KALRN: variants seen among roughly 807,000 people sequenced by gnomAD.
KALRN encodes kalirin RhoGEF kinase.
A neutral mutation model predicts 353.7 loss-of-function variants in KALRN; 70 were observed. That is an observed-to-expected ratio of 0.20 (90% CI 0.16 to 0.24). The LOEUF (loss-of-function observed/expected upper bound fraction) is 0.24, where lower values mean the gene tolerates loss of function less well. Ranked by LOEUF, KALRN falls within the 10% of genes least tolerant of loss-of-function variation. KALRN has a pLI of 1.00. For missense variants in KALRN, 2,791 were observed against 3,756.7 expected, an observed-to-expected ratio of 0.74 and a Z score of 6.72; for synonymous variants, 1,391 against 1,434.8, an observed-to-expected ratio of 0.97 and a Z score of 0.69.
chr3:124,666,870 CA>C, intron 46 of KALRN, 141 bp from the exon 47 acceptor site: 1 of 877,844 alleles, frequency 1.1e-6, no homozygotes, highest in Non-Finnish European at 1.7e-6. Context: ...CACCCAGAGA[CA>C]AAAACCTAAG....
chr3:124,221,480 G>A (rs377617957), intron 1 of KALRN, among the ~76,000 whole-genome samples: 45 of 152,278 alleles, frequency 3.0e-4, no homozygotes, highest in African/African-American at 7.9e-4. Context: ...GGGAGTAAAC[G>A]AAAACACATA....
chr3:124,508,475 A>C (rs1165767174), intron 33 of KALRN, among the ~76,000 whole-genome samples: 1 of 152,046 alleles, frequency 6.6e-6, no homozygotes, highest in Non-Finnish European at 1.5e-5. Context: ...ACTTATTTTT[A>C]TGGGATTCAT....
intron 1 of KALRN, among the ~76,000 whole-genome samples, chr3:124,056,078 G>A (rs2041511466): frequency 6.6e-6 from 1 of 152,186 alleles, no homozygotes; most frequent in Non-Finnish European, 1.5e-5. Context: ...AACAAAGGAG[G>A]CAATTTATCT....
chr3:124,330,791 G>A (rs1024143980), intron 8 of KALRN, among the ~76,000 whole-genome samples: 2 of 152,192 alleles, frequency 1.3e-5, no homozygotes, highest in African/African-American at 4.8e-5. Context: ...TCCAACCCAT[G>A]TGTTTCCTCT....
intron 1 of KALRN, among the ~76,000 whole-genome samples, chr3:124,138,550 A>C (rs986693550): frequency 6.6e-6 from 1 of 152,252 alleles, no homozygotes; most frequent in Non-Finnish European, 1.5e-5. Context: ...AAAGATGAAA[A>C]GAGTGACTGA....
At chr3:124,613,895 T>C (rs2078265170) in intron 34 of KALRN, among the ~76,000 whole-genome samples, 2 of 152,206 alleles carry the variant, frequency 1.3e-5, no homozygotes, top group South Asian at 2.1e-4. Context: ...GAGCAGCCAG[T>C]GTTCTATGTC....
intron 1 of KALRN, among the ~76,000 whole-genome samples, chr3:124,041,482 G>A (rs1366767991): frequency 1.3e-5 from 2 of 152,188 alleles, no homozygotes; most frequent in African/African-American, 4.8e-5. Context: ...TTCCAGTCCA[G>A]GAAGAGATGC....
intron 55 of KALRN, among the ~76,000 whole-genome samples, chr3:124,698,692 G>A (rs2062175724): frequency 6.6e-6 from 1 of 152,190 alleles, no homozygotes; most frequent in South Asian, 2.1e-4. Context: ...CTTTCTCCCA[G>A]AGAAATAACT....
chr3:124,102,270 A>G (rs960345411), intron 1 of KALRN, among the ~76,000 whole-genome samples: 1 of 152,148 alleles, frequency 6.6e-6, no homozygotes, highest in Non-Finnish European at 1.5e-5. Context: ...CCCGTTTGAA[A>G]CACCATCACA....
intron 34 of KALRN, among the ~76,000 whole-genome samples, chr3:124,628,742 ATTTTTTTTTTTTTTTT>A (rs58523719): frequency 1.2e-4 from 12 of 100,098 alleles, no homozygotes; most frequent in African/African-American, 2.8e-4. Flanking sequence ...CACCTGGCTA[ATTTTTTTTTTTTTTTT>A]TTTTTTTTTT....
intron 33 of KALRN, among the ~76,000 whole-genome samples, chr3:124,520,075 T>C (rs1218940544): frequency 6.6e-6 from 1 of 151,818 alleles, no homozygotes; most frequent in Non-Finnish European, 1.5e-5. Flanking sequence ...AGCAACAGAA[T>C]TTGTTTTTCA....
chr3:124,467,692 G>C (rs773987943), intron 25 of KALRN, among the ~76,000 whole-genome samples: 5 of 152,128 alleles, frequency 3.3e-5, no homozygotes, highest in African/African-American at 7.2e-5. Flanking sequence ...TCTCATTGTC[G>C]CACTCCCAGG....
In KALRN at chr3:124,134,311, T is replaced by G. The variant is rs188314316; in HGVS notation, c.74-93679T>G. Among the ~76,000 whole-genome samples, 107 of 152,128 alleles carry G rather than the reference T, an allele frequency of 7.0e-4. No individual in the cohort carries two copies. The South Asian group carries it at 0.014, about 20-fold the overall frequency. On this transcript the variant is annotated intron_variant, in intron 1 of 59. Transcript: ENST00000682506. The stretch of plus-strand genomic sequence containing the variant: ...CACCCTTTTCAACAAATGGTGCTGG[T>G]ATAATTGACTACCCACATGTAGAAG...
At chr3:124,258,224 C>T (rs571593926) in intron 3 of KALRN, among the ~76,000 whole-genome samples, 17 of 152,132 alleles carry the variant, frequency 1.1e-4, no homozygotes, top group Non-Finnish European at 2.4e-4. Flanking sequence ...TGTGGCACTT[C>T]CTGCTAATCA....
At chr3:124,525,662 T>G (rs1212307097) in intron 33 of KALRN, among the ~76,000 whole-genome samples, 1 of 152,184 alleles carries the variant, frequency 6.6e-6, no homozygotes, top group Non-Finnish European at 1.5e-5. Context: ...ATTGACACAA[T>G]TGAGCTTCTC....
At chr3:124,220,313 C>G (rs2077750199) in intron 1 of KALRN, among the ~76,000 whole-genome samples, 1 of 152,110 alleles carries the variant, frequency 6.6e-6, no homozygotes, top group East Asian at 1.9e-4. Flanking sequence ...TCAACAGTTT[C>G]CTTAATAGCT....
At position 124,462,562 on chromosome 3, in the gene KALRN, C is replaced by A. The variant is rs781339698; in HGVS notation, c.3960C>A (p.Ile1320=). Residue 1320 remains isoleucine (I), a synonymous_variant, in exon 25 of 60, where the codon ATC becomes ATA. Transcript: ENST00000682506. ...LWEMTSGVEE[I]PPGILNKEHI... ...AAATGACCAGTGGTGTGGAGGAGAT[C>A]CCCCCTGGGATCCTCAATAAAGAGC... 5 of 1,610,396 alleles carry A rather than the reference C, an allele frequency of 3.1e-6. No individual in the cohort carries two copies. The highest frequency in any genetic ancestry group is 1.7e-6 in the Non-Finnish European group (2 of 1,176,786).
intron 16 of KALRN, among the ~76,000 whole-genome samples, chr3:124,432,587 T>C (rs1000600624): frequency 1.3e-5 from 2 of 152,208 alleles, no homozygotes; most frequent in South Asian, 2.1e-4. Context: ...ATGAAAAGGT[T>C]TGCCTCAATC....
Position 124,372,009 on chromosome 3 carries a change from A to T in KALRN, c.1771-12836A>T, listed in dbSNP as rs1221441044. ...TATGTCCCTGAGTTCTATTGATTTG[A>T]TTTTTAGATCCCACAAATAAGTGAG... is the stretch of plus-strand genomic sequence containing the variant. On this transcript the variant is annotated intron_variant, in intron 10 of 59. Transcript: ENST00000682506. 2.0e-5 allele frequency among the ~76,000 whole-genome samples: 3 copies of T among 152,014 alleles called. No homozygotes were observed. The East Asian group carries it at 5.8e-4, about 29-fold the overall frequency.
Sources: gnomAD v4.1 joint callset for allele counts (sites outside exome capture counted in the v4.1 genomes callset) on GRCh38, gnomAD v4.1.1 for gene constraint, MANE v1.5 for transcripts, NCBI Gene and HGNC (gene_info 2026-07-23, HGNC 2026-07-21) for gene names.